Variants in NFYA observed in about 807,000 individuals in gnomAD.
NFYA encodes the protein CAAT-box DNA binding protein subunit A.
NFYA carries 28 observed loss-of-function variants against 52.8 expected under a neutral mutation model. The observed-to-expected ratio is 0.53, with a 90% CI of 0.39 to 0.73. NFYA has a LOEUF of 0.73. Among genes scored for constraint, NFYA ranks in the 30% least tolerant of loss-of-function variants. The pLI is 0.00. For missense variants in NFYA, 234 were observed against 427.0 expected (o/e 0.55, Z 3.98); for synonymous variants, 150 against 150.7 (o/e 1.00, Z 0.03).
intron 3 of NFYA, among the ~76,000 whole-genome samples, chr6:41,083,088 AAGAT>A (rs1357208117): frequency 1.3e-5 from 2 of 152,254 alleles, no homozygotes; most frequent in African/African-American, 2.4e-5. Context: ...ATTTCTGTCA[AAGAT>A]AGAGTCTGAA....
intron 9 of NFYA, among the ~76,000 whole-genome samples, chr6:41,095,242 T>C (rs1408730061): frequency 1.3e-5 from 2 of 152,216 alleles, no homozygotes; most frequent in Non-Finnish European, 2.9e-5. Context: ...CCTTACATGC[T>C]CCAGCTCCTG....
rs1582035812 is a variant in NFYA at position 41,092,833 on chromosome 6, T to A, written c.715-79T>A. 8 of 1,459,556 alleles carry A rather than the reference T, an allele frequency of 5.5e-6. No homozygotes were observed. The East Asian group carries it at 1.8e-4, about 34-fold the overall frequency. 90.4% of individuals were successfully genotyped at this position (1,459,556 alleles called of 1,614,324 possible). A position where few individuals can be genotyped will look rare whatever the true frequency, so the allele number is the denominator to read the frequency against. ...CTTTTTGTGGCATTTACAAAAAAAA[T>A]GGATGAAGAGGAACCAAGAAACTGT... is the stretch of plus-strand genomic sequence containing the variant. On this transcript the variant is annotated intron_variant, in intron 7 of 9. Transcript: ENST00000341376.
chr6:41,093,902 T>A (rs1021986941), intron 8 of NFYA, among the ~76,000 whole-genome samples: 1 of 152,196 alleles, frequency 6.6e-6, no homozygotes, highest in African/African-American at 2.4e-5. Flanking sequence ...CAAATGCCTG[T>A]AGTCCTACTT....
intron 3 of NFYA, among the ~76,000 whole-genome samples, chr6:41,083,352 T>G (rs1308576848): frequency 6.6e-6 from 1 of 152,190 alleles, no homozygotes; most frequent in Non-Finnish European, 1.5e-5. Flanking sequence ...ATGTGGATAT[T>G]ATAGAGGCCA....
rs764445280 is a variant in NFYA, at chr6:41,100,266, T to C, written c.*2856T>C. ...GATGAAGTAATTCCATGAGGAAAATTAGCCGTTATCACAAAAACAGCCTTA... is the reference window on the plus strand; with the variant it reads ...GATGAAGTAATTCCATGAGGAAAATCAGCCGTTATCACAAAAACAGCCTTA... On this transcript the variant is annotated 3_prime_UTR_variant, in exon 10 of 10. Coordinates refer to ENST00000341376, the MANE Select transcript of NFYA (RefSeq NM_002505.5). 7.9e-5 allele frequency among the ~76,000 whole-genome samples: 12 copies of C among 152,206 alleles called. No homozygotes were observed. Among genetic ancestry groups the C allele is most frequent in the African/African-American group, 2.4e-4 (10 of 41,468 alleles).
chr6:41,094,323 G>A lies in NFYA; in HGVS notation c.889-73G>A. The A allele has an allele frequency of 3.9e-6, 5 of 1,286,548 alleles. No homozygotes were observed. In the Admixed American group the frequency reaches 9.1e-5, roughly 23 times the overall value. 79.7% of individuals were successfully genotyped at this position (1,286,548 alleles called of 1,614,324 possible). Reference sequence around the variant, plus strand: ...CAGCTGTCTTAAACTTTGGAGAATGGAATTTGTGCACTAGATAACTGTGCT... The same window carrying A: ...CAGCTGTCTTAAACTTTGGAGAATGAAATTTGTGCACTAGATAACTGTGCT... On this transcript the variant is annotated intron_variant, in intron 8 of 9. Transcript: ENST00000341376.
At chr6:41,077,107 G>T (rs1310258048) in intron 1 of NFYA, among the ~76,000 whole-genome samples, 1 of 152,164 alleles carries the variant, frequency 6.6e-6, no homozygotes, top group Non-Finnish European at 1.5e-5. Context: ...GTCTTGTAAA[G>T]ATGTAAACTT....
In NFYA at chr6:41,097,663, G is replaced by C. The variant is rs1237909584; in HGVS notation, c.*253G>C. ...GATGACATTGACATTTCATGGATTCGGATGATGCAAGGAGACACATGCCAC... is the reference window on the plus strand; with the variant it reads ...GATGACATTGACATTTCATGGATTCCGATGATGCAAGGAGACACATGCCAC... On this transcript the variant is annotated 3_prime_UTR_variant, in exon 10 of 10. Transcript: ENST00000341376. 2 of 420,406 alleles carry C rather than the reference G, an allele frequency of 4.8e-6. No homozygotes were observed. Among genetic ancestry groups the C allele is most frequent in the Non-Finnish European group, 8.7e-6 (2 of 229,346 alleles). The allele number at this position is 420,406 out of a possible 1,614,324, so 26.0% of individuals were successfully genotyped here. A position where few individuals can be genotyped will look rare whatever the true frequency, so the allele number is the denominator to read the frequency against.
intron 1 of NFYA, 28 bp from the exon 2 acceptor site, chr6:41,079,001 T>C: frequency 8.9e-7 from 1 of 1,124,890 alleles, no homozygotes; most frequent in Non-Finnish European, 1.3e-6. Context: ...CAATCTCACT[T>C]TAGTTTCTTT....
Position 41,099,132 on chromosome 6 carries a change from T to C in NFYA, c.*1722T>C, listed in dbSNP as rs2113830553. ...AGTGAAATATTCCTAGTCCCAGGGATCTGGTAATCGCTCCTGGCTTCCAGA... is the reference window on the plus strand; with the variant it reads ...AGTGAAATATTCCTAGTCCCAGGGACCTGGTAATCGCTCCTGGCTTCCAGA... On this transcript the variant is annotated 3_prime_UTR_variant, in exon 10 of 10. Coordinates refer to ENST00000341376, the MANE Select transcript of NFYA (RefSeq NM_002505.5). 6.6e-6 allele frequency: 1 copy of C among 152,300 alleles called. No individual in the cohort carries two copies. The highest frequency in any genetic ancestry group is 1.9e-4 in the East Asian group (1 of 5,174). The allele number at this position is 152,300 out of a possible 1,614,324, so 9.4% of individuals were successfully genotyped here. A position where few individuals can be genotyped will look rare whatever the true frequency, so the allele number is the denominator to read the frequency against.
intron 1 of NFYA, among the ~76,000 whole-genome samples, chr6:41,077,551 A>G (rs921051535): frequency 6.6e-6 from 1 of 152,186 alleles, no homozygotes; most frequent in Non-Finnish European, 1.5e-5. Context: ...TGTATTGTGT[A>G]TTAGAGACAA....
intron 1 of NFYA, among the ~76,000 whole-genome samples, chr6:41,077,592 C>G (rs1272868516): frequency 2.0e-5 from 3 of 152,152 alleles, no homozygotes; most frequent in Admixed American, 6.5e-5. Context: ...GTTAGTGCCC[C>G]TAACAGACTC....
intron 1 of NFYA, among the ~76,000 whole-genome samples, chr6:41,074,017 GCTGCACAA>G: frequency 6.6e-6 from 1 of 151,760 alleles, no homozygotes; most frequent in East Asian, 1.9e-4. Context: ...CTTTCCGGAG[GCTGCACAA>G]CTTGCTGTTC....
At chr6:41,091,984 A>G (rs965297466) in intron 7 of NFYA, among the ~76,000 whole-genome samples, 4 of 152,230 alleles carry the variant, frequency 2.6e-5, no homozygotes, top group Non-Finnish European at 4.4e-5. Flanking sequence ...GGAATTATAT[A>G]CTAATCTTTG....
chr6:41,102,022 T>TA lies in NFYA; in HGVS notation c.*4614dup, dbSNP rs1442900721. The TA allele has an allele frequency of 6.6e-6, 1 of 152,224 alleles. No individual in the cohort carries two copies. Among genetic ancestry groups the TA allele is most frequent in the African/African-American group, 2.4e-5 (1 of 41,452 alleles). 9.4% of individuals were successfully genotyped at this position (152,224 alleles called of 1,614,324 possible). A position where few individuals can be genotyped will look rare whatever the true frequency, so the allele number is the denominator to read the frequency against. Reference sequence around the variant, plus strand: ...CTTTGTTGGTCAGGGTTTACAGCATTAATGGACAGGTTCACCCTGACCTAC... The same window carrying TA: ...CTTTGTTGGTCAGGGTTTACAGCATTAAATGGACAGGTTCACCCTGACCTAC... On this transcript the variant is annotated 3_prime_UTR_variant, in exon 10 of 10. Coordinates refer to ENST00000341376, the MANE Select transcript of NFYA (RefSeq NM_002505.5).
intron 1 of NFYA, among the ~76,000 whole-genome samples, chr6:41,074,658 A>G (rs924399724): frequency 2.4e-4 from 37 of 152,220 alleles, no homozygotes; most frequent in African/African-American, 8.7e-4. Flanking sequence ...TAGTTGTGAT[A>G]GTTTAGGGGG....
chr6:41,080,036 A>G (rs998565116), intron 2 of NFYA, among the ~76,000 whole-genome samples: 25 of 152,218 alleles, frequency 1.6e-4, no homozygotes, highest in African/African-American at 5.3e-4. Flanking sequence ...CCCTCCATTC[A>G]CACCAGTGCC....
intron 2 of NFYA, among the ~76,000 whole-genome samples, chr6:41,080,171 G>C (rs1343200893): frequency 6.6e-6 from 1 of 152,184 alleles, no homozygotes; most frequent in African/African-American, 2.4e-5. Context: ...TTTTGAAGCT[G>C]GGCATGGTGC....
Position 41,091,602 on chromosome 6 carries a change from G to T in NFYA, c.622G>T (p.Ala208Ser), listed in dbSNP as rs374323132. 102 of 1,614,094 alleles carry T rather than the reference G, an allele frequency of 6.3e-5. No individual in the cohort carries two copies. Among genetic ancestry groups the T allele is most frequent in the Non-Finnish European group, 8.5e-5 (100 of 1,180,036 alleles). ...AGGAGCACAGATTGTTCAAACAGGA[G>T]CCAATACCAACACAACCAGCAGTGG... The part of the protein sequence containing the change: ...LAGAQIVQTG[A>S]NTNTTSSGQG... The change falls in exon 7 of 10, where the codon GCC becomes TCC. Residue 208 changes from alanine to serine, a missense_variant. Ala to Ser is a moderately conservative substitution (Grantham distance 99, BLOSUM62 1). This residue lies in a region of NFYA where 81 missense variants were observed against 210.5 expected (regional missense o/e 0.38). Transcript: ENST00000341376.
Sources: gnomAD v4.1 joint callset for allele counts (sites outside exome capture counted in the v4.1 genomes callset) on GRCh38, gnomAD v4.1.1 for gene constraint, gnomAD v4.1.1 regional missense constraint, MANE v1.5 for transcripts, NCBI Gene and HGNC (gene_info 2026-07-23, HGNC 2026-07-21) for gene names.